The following TRIM9 variants were observed in gnomAD, a reference collection of about 807,000 sequenced individuals.
TRIM9 encodes the protein E3 ubiquitin-protein ligase TRIM9.
In TRIM9, 26 loss-of-function variants were observed where a neutral mutation model predicts 78.3. The observed-to-expected ratio is 0.33, with a 90% CI of 0.24 to 0.46. The LOEUF (loss-of-function observed/expected upper bound fraction) is 0.46. Among genes scored for constraint, TRIM9 ranks in the 20% least tolerant of loss-of-function variants. TRIM9 has a pLI of 1.00. For synonymous variants in TRIM9, 398 were observed against 416.5 expected (o/e 0.96, Z 0.54); for missense variants, 787 against 1,036.4 (o/e 0.76, Z 3.30).
Position 51,052,153 on chromosome 14 carries a change from C to G in TRIM9, c.823-26793G>C, listed in dbSNP as rs1471798172. ...TATGACAGGCACAATGATCCAGCTA[C>G]TGGATTCCATTAACATCATTATCTG... On this transcript the variant is annotated intron_variant, in intron 1 of 12. Transcript: ENST00000684578. Among the ~76,000 whole-genome samples, 7 of 152,208 alleles carry G rather than the reference C, an allele frequency of 4.6e-5. No homozygotes were observed. The South Asian group carries it at 1.2e-3, about 27-fold the overall frequency.
chr14:51,064,357 G>C (rs960903245), intron 1 of TRIM9, among the ~76,000 whole-genome samples: 3 of 151,928 alleles, frequency 2.0e-5, no homozygotes, highest in African/African-American at 7.2e-5. Flanking sequence ...TAGAAAAATG[G>C]TAGCCTTAAA....
chr14:51,066,606 C>A (rs1566631554), intron 1 of TRIM9, among the ~76,000 whole-genome samples: 1 of 152,232 alleles, frequency 6.6e-6, no homozygotes, highest in Non-Finnish European at 1.5e-5. Context: ...AATTACAAAT[C>A]TAGTTTAAAG....
chr14:50,996,689 T>G, intron 7 of TRIM9: 1 of 985,418 alleles, frequency 1.0e-6, no homozygotes, highest in Admixed American at 6.1e-5. Context: ...TAGTATGGTA[T>G]TTTGAGAAAA....
At chr14:51,055,732 G>C (rs1197019346) in intron 1 of TRIM9, among the ~76,000 whole-genome samples, 3 of 152,220 alleles carry the variant, frequency 2.0e-5, no homozygotes, top group Non-Finnish European at 4.4e-5. Context: ...CAGACTTCTA[G>C]CCTACAGAAT....
At chr14:51,016,559 T>C (rs1006039919) in intron 3 of TRIM9, among the ~76,000 whole-genome samples, 1 of 147,644 alleles carries the variant, frequency 6.8e-6, no homozygotes, top group African/African-American at 2.5e-5. Flanking sequence ...ATTATTAGCA[T>C]ATTAATTATA....
At chr14:51,007,954 T>A (rs1953889) in intron 5 of TRIM9, among the ~76,000 whole-genome samples, 30,010 of 152,136 alleles carry the variant, frequency 0.2, 3,312 homozygotes, top group Non-Finnish European at 0.26. Flanking sequence ...TAATCTCTCT[T>A]TGATAAAAGC....
intron 1 of TRIM9, among the ~76,000 whole-genome samples, chr14:51,030,756 G>A (rs1420891366): frequency 6.6e-6 from 1 of 151,990 alleles, no homozygotes; most frequent in Non-Finnish European, 1.5e-5. Flanking sequence ...TCTTGGCTTT[G>A]GGGGAGGCTC....
At chr14:51,005,171 C>T (rs1312151275) in intron 5 of TRIM9, among the ~76,000 whole-genome samples, 2 of 152,216 alleles carry the variant, frequency 1.3e-5, no homozygotes, top group African/African-American at 2.4e-5. Context: ...TAACAGATTA[C>T]ATGCAAGTGT....
At chr14:51,014,656 T>G (rs2056955787) in intron 3 of TRIM9, among the ~76,000 whole-genome samples, 1 of 152,218 alleles carries the variant, frequency 6.6e-6, no homozygotes, top group Non-Finnish European at 1.5e-5. Context: ...ATACTTTCTC[T>G]CTAGTTGTCT....
intron 4 of TRIM9, among the ~76,000 whole-genome samples, chr14:51,009,725 T>C (rs1301371217): frequency 6.6e-6 from 1 of 152,212 alleles, no homozygotes; most frequent in Non-Finnish European, 1.5e-5. Context: ...ACTGTATTCT[T>C]TGGTAGAAAG....
At chr14:50,980,907 A>G (rs1448124892) in intron 11 of TRIM9, among the ~76,000 whole-genome samples, 1 of 152,186 alleles carries the variant, frequency 6.6e-6, no homozygotes, top group African/African-American at 2.4e-5. Context: ...ACAGAAAAAG[A>G]TAAAACAGTG....
chr14:51,075,424 G>C (rs532274569), intron 1 of TRIM9, among the ~76,000 whole-genome samples: 35 of 152,256 alleles, frequency 2.3e-4, no homozygotes, highest in Admixed American at 1.3e-3. Flanking sequence ...TCTAGGTAAT[G>C]TGGATTTGCA....
chr14:50,998,126 G>T lies in TRIM9; in HGVS notation c.1527C>A (p.Tyr509Ter). Residue 509 changes from tyrosine (Y) to a stop codon, truncating the protein, a stop_gained, in exon 7 of 13, where the codon TAC becomes TAA. Transcript: ENST00000684578. LOFTEE classifies it high-confidence loss of function. ...TVDGLHFNST[Y>*]NARVKAFNKT... Reference sequence around the variant, plus strand: ...TGTTGAAGGCCTTGACCCGAGCGTTGTATGTGCTGTTGAAGTGAAGACCAT... The same window carrying T: ...TGTTGAAGGCCTTGACCCGAGCGTTTTATGTGCTGTTGAAGTGAAGACCAT... 1 of 1,614,208 alleles carries T rather than the reference G, an allele frequency of 6.2e-7. No individual in the cohort carries two copies. The highest frequency in any genetic ancestry group is 8.5e-7 in the Non-Finnish European group (1 of 1,180,034).
chr14:50,992,981 T>C (rs1211502688), intron 7 of TRIM9, among the ~76,000 whole-genome samples: 1 of 152,150 alleles, frequency 6.6e-6, no homozygotes, highest in Non-Finnish European at 1.5e-5. Context: ...CTTCTCCCCA[T>C]TTTCCCTCCC....
At chr14:51,071,220 T>C (rs1287267053) in intron 1 of TRIM9, among the ~76,000 whole-genome samples, 1 of 151,110 alleles carries the variant, frequency 6.6e-6, no homozygotes, top group African/African-American at 2.4e-5. Context: ...CTACTAAAAA[T>C]ACAAAATTAG....
Position 51,001,378 on chromosome 14 carries a change from C to T in TRIM9, c.1307-538G>A, listed in dbSNP as rs995115574. On this transcript the variant is annotated intron_variant, in intron 5 of 12. Transcript: ENST00000684578. ...CGGAGTAGCTGGGACTACAGGCGCC[C>T]GCCACCACGCCCGGCTAATTTTTTG... Among the ~76,000 whole-genome samples, 150 of 151,900 alleles carry T rather than the reference C, an allele frequency of 9.9e-4. 2 individuals are homozygous for T. The highest frequency in any genetic ancestry group is 3.2e-3 in the African/African-American group (131 of 41,430).
At position 50,977,136 on chromosome 14, in the gene TRIM9, G is replaced by A. The variant is rs570715695; in HGVS notation, c.*155C>T. 3.9e-4 allele frequency: 171 copies of A among 440,096 alleles called. 1 individual carries two copies. The highest frequency in any genetic ancestry group is 2.8e-3 in the African/African-American group (138 of 49,342). 27.3% of individuals were successfully genotyped at this position (440,096 alleles called of 1,614,324 possible). A position where few individuals can be genotyped will look rare whatever the true frequency, so the allele number is the denominator to read the frequency against. ...GGAGAGGTTGAAAGGGAAAAGGGCA[G>A]AGCTGTGGGTGTAAAGACTGCAGAG... On this transcript the variant is annotated 3_prime_UTR_variant, in exon 13 of 13. Coordinates refer to ENST00000684578, the MANE Select transcript of TRIM9 (RefSeq NM_001387360.1).
At chr14:51,025,914 C>T (rs2058186531) in intron 1 of TRIM9, among the ~76,000 whole-genome samples, 1 of 152,156 alleles carries the variant, frequency 6.6e-6, no homozygotes, top group Non-Finnish European at 1.5e-5. Context: ...CCAAGTACAG[C>T]CCTGCTGCCC....
rs146418760 is a variant in TRIM9 at position 51,008,034 on chromosome 14, G to A, written c.1306+1046C>T. ...AATGCTAAGAGTCATTTACTATATG[G>A]ATGCTTAAATCAGGAGTTGCAAAGA... On this transcript the variant is annotated intron_variant, in intron 5 of 12. Coordinates refer to ENST00000684578, the MANE Select transcript of TRIM9 (RefSeq NM_001387360.1). Among the ~76,000 whole-genome samples the A allele has an allele frequency of 4.4e-3, 674 of 152,238 alleles. 6 individuals are homozygous for A. The highest frequency in any genetic ancestry group is 0.015 in the African/African-American group (640 of 41,530).
Sources: allele counts gnomAD v4.1 joint callset (sites outside exome capture counted in the v4.1 genomes callset), GRCh38; gene constraint gnomAD v4.1.1; transcripts MANE v1.5; gene names NCBI Gene and HGNC (gene_info 2026-07-23, HGNC 2026-07-21).